Variants in SLC16A12 observed in about 807,000 individuals in gnomAD.
SLC16A12 encodes the protein solute carrier family 16 member 12, also known as monocarboxylate transporter 12.
SLC16A12 carries 17 observed loss-of-function variants against 42.4 expected under a neutral mutation model. The observed-to-expected ratio is 0.40, with a 90% CI of 0.27 to 0.60. The LOEUF is 0.60. Ranked by LOEUF, SLC16A12 falls within the 20% of genes least tolerant of loss-of-function variation. The probability of loss-of-function intolerance (pLI) is 0.42; values close to 1 mark genes in which losing one functional copy is unlikely to be tolerated. For synonymous variants in SLC16A12, 224 were observed against 229.4 expected (o/e 0.98, Z 0.21); for missense variants, 544 against 623.0 (o/e 0.87, Z 1.35).
At chr10:89,511,765 A>T (rs1186462645) in intron 2 of SLC16A12, among the ~76,000 whole-genome samples, 1 of 152,162 alleles carries the variant, frequency 6.6e-6, no homozygotes, top group Non-Finnish European at 1.5e-5. Flanking sequence ...AACAAACAAC[A>T]ATTAAAAACA....
chr10:89,516,482 C>G (rs982873400), intron 2 of SLC16A12, among the ~76,000 whole-genome samples: 1 of 152,202 alleles, frequency 6.6e-6, no homozygotes, highest in Non-Finnish European at 1.5e-5. Flanking sequence ...CTTGTTTCCA[C>G]TGGTGATTTG....
In SLC16A12 at chr10:89,462,494, T is replaced by G. The variant is rs992600531; in HGVS notation, c.85A>C (p.Lys29Gln). Residue 29 changes from lysine (K) to glutamine (Q), a missense_variant, in exon 3 of 8, where the codon AAA (lysine) becomes CAA (glutamine). By Grantham distance (53) the Lys-to-Gln change is moderately conservative (BLOSUM62 1). Transcript: ENST00000371790. Reference protein sequence around the residue: ...LEQPGKEEKRKTMAKVNRARS... With the variant: ...LEQPGKEEKRQTMAKVNRARS... ...GCTCTATTTACTTTTGCCATGGTTT[T>G]TCTTTTTTCTTCTTTTCCAGGTTGC... The G allele has an allele frequency of 6.2e-7, 1 of 1,614,000 alleles. No individual in the cohort carries two copies. The highest frequency in any genetic ancestry group is 1.1e-5 in the South Asian group (1 of 91,088).
In SLC16A12 at chr10:89,448,087, T is replaced by A. The variant is rs962808619; in HGVS notation, c.201-4228A>T. On this transcript the variant is annotated intron_variant, in intron 3 of 7. Coordinates refer to ENST00000371790, the MANE Select transcript of SLC16A12 (RefSeq NM_213606.4). The stretch of plus-strand genomic sequence containing the variant: ...GAAGCTGAATCCCTGAATAGACCAA[T>A]AACAGGCTCTGAAATTGAGGCAATA... 2.6e-5 allele frequency among the ~76,000 whole-genome samples: 4 copies of A among 152,206 alleles called. No homozygotes were observed. The South Asian group carries it at 8.3e-4, about 32-fold the overall frequency.
At chr10:89,484,152 A>G (rs1842713610) in intron 2 of SLC16A12, among the ~76,000 whole-genome samples, 1 of 152,228 alleles carries the variant, frequency 6.6e-6, no homozygotes, top group Admixed American at 6.5e-5. Flanking sequence ...GTCTTTTTGA[A>G]CTTCAGTTTT....
At chr10:89,521,774 C>A (rs1053335106) in intron 2 of SLC16A12, among the ~76,000 whole-genome samples, 1 of 152,220 alleles carries the variant, frequency 6.6e-6, no homozygotes, top group African/African-American at 2.4e-5. Context: ...CTGGCTGAAG[C>A]ATCCAAAGTT....
At chr10:89,494,418 G>A (rs1487821876) in intron 2 of SLC16A12, among the ~76,000 whole-genome samples, 1 of 152,180 alleles carries the variant, frequency 6.6e-6, no homozygotes, top group East Asian at 1.9e-4. Context: ...AGCATTATTT[G>A]TAACTACAAA....
intron 2 of SLC16A12, among the ~76,000 whole-genome samples, chr10:89,472,329 A>G (rs1842509951): frequency 6.6e-6 from 1 of 152,000 alleles, no homozygotes; most frequent in Non-Finnish European, 1.5e-5. Context: ...AAAAATTTAC[A>G]AAGGCCTAAA....
intron 2 of SLC16A12, among the ~76,000 whole-genome samples, chr10:89,471,514 C>T (rs1336745335): frequency 6.6e-6 from 1 of 152,186 alleles, no homozygotes; most frequent in African/African-American, 2.4e-5. Context: ...GGATATACTA[C>T]AATGAGTTTA....
At chr10:89,532,159 G>A (rs941814233) in intron 2 of SLC16A12, among the ~76,000 whole-genome samples, 3 of 152,108 alleles carry the variant, frequency 2.0e-5, no homozygotes, top group African/African-American at 7.2e-5. Context: ...ATAAATGAAT[G>A]AGCACACTAA....
At chr10:89,439,705 T>C (rs1841870939) in intron 5 of SLC16A12, among the ~76,000 whole-genome samples, 1 of 152,188 alleles carries the variant, frequency 6.6e-6, no homozygotes, top group African/African-American at 2.4e-5. Flanking sequence ...TAGCAATGTA[T>C]ATTTTCATAT....
intron 2 of SLC16A12, among the ~76,000 whole-genome samples, chr10:89,530,562 C>T (rs924654950): frequency 3.9e-5 from 6 of 152,004 alleles, no homozygotes; most frequent in Middle Eastern, 3.4e-3. Context: ...GGACTACAGG[C>T]GCCTACCACC....
intron 2 of SLC16A12, among the ~76,000 whole-genome samples, chr10:89,546,403 C>T (rs1843742981): frequency 6.6e-6 from 1 of 152,134 alleles, no homozygotes; most frequent in African/African-American, 2.4e-5. Context: ...CAAAAGAAGA[C>T]ATTTATGTGG....
chr10:89,555,652 C>G (rs1185514116), intron 2 of SLC16A12, among the ~76,000 whole-genome samples: 1 of 139,480 alleles, frequency 7.2e-6, no homozygotes, highest in East Asian at 2.1e-4. Context: ...CATATATATA[C>G]AGATATGTAT....
At chr10:89,520,220 A>G (rs1843330822) in intron 2 of SLC16A12, among the ~76,000 whole-genome samples, 1 of 152,220 alleles carries the variant, frequency 6.6e-6, no homozygotes, top group Admixed American at 6.5e-5. Context: ...GGCTATCTAT[A>G]TAAAAAGAAG....
At chr10:89,494,762 G>C (rs1190860321) in intron 2 of SLC16A12, among the ~76,000 whole-genome samples, 2 of 152,166 alleles carry the variant, frequency 1.3e-5, no homozygotes, top group African/African-American at 4.8e-5. Context: ...AAAGACTCAG[G>C]AATGAAGGAA....
chr10:89,452,885 C>G (rs1258590270), intron 3 of SLC16A12, among the ~76,000 whole-genome samples: 4 of 152,192 alleles, frequency 2.6e-5, no homozygotes, highest in African/African-American at 9.7e-5. Context: ...GCCCCCTCTA[C>G]GCCCAGGGGT....
chr10:89,542,295 T>TC (rs1843719941), intron 2 of SLC16A12, among the ~76,000 whole-genome samples: 1 of 116,654 alleles, frequency 8.6e-6, no homozygotes, highest in East Asian at 2.4e-4. Context: ...TGTTATATTT[T>TC]CTTTTTTTTT....
At chr10:89,554,079 AGAAAGAAAGAAAGAAAGAAAGAAGGAAG>A (rs1589740892) in intron 2 of SLC16A12, among the ~76,000 whole-genome samples, 1 of 66,578 alleles carries the variant, frequency 1.5e-5, no homozygotes, top group Non-Finnish European at 2.9e-5. Flanking sequence ...AAAGAAAGAA[AGAAAGAAAGAAAGAAAGAAAGAAGGAAG>A]GAAGGAAGGA....
At position 89,436,256 on chromosome 10, in the gene SLC16A12, A is replaced by G. The variant is rs1222890347; in HGVS notation, c.1092T>C (p.Tyr364=). The G allele has an allele frequency of 1.2e-6, 2 of 1,614,156 alleles. No homozygotes were observed. The highest frequency in any genetic ancestry group is 2.2e-5 in the South Asian group (2 of 91,086). The change falls in exon 7 of 8, where the codon TAT becomes TAC. Residue 364 remains tyrosine (Y), a synonymous_variant. Transcript: ENST00000371790. ...LFAVGMDGLC[Y]LCLPMLQSLP... ...GACTTTGAAGCATTGGGAGGCAGAG[A>G]TAGCAGAGCCCATCCATTCCCACGG...
Sources: allele counts gnomAD v4.1 joint callset (sites outside exome capture counted in the v4.1 genomes callset), GRCh38; gene constraint gnomAD v4.1.1; transcripts MANE v1.5; gene names NCBI Gene and HGNC (gene_info 2026-07-23, HGNC 2026-07-21).